The following NEMP2 variants were observed in gnomAD, a reference collection of about 807,000 sequenced individuals.
NEMP2 encodes the protein UPF0571 transmembrane protein.
NEMP2 carries 53 observed loss-of-function variants against 54.2 expected under a neutral mutation model. The ratio of observed to expected loss-of-function variants is 0.98; its 90% confidence interval spans 0.78 to 1.23. NEMP2 has a LOEUF of 1.23. NEMP2 is among the 50% of genes most tolerant of loss of function. NEMP2 has a pLI of 0.00. For missense variants in NEMP2, 455 were observed against 511.3 expected, an observed-to-expected ratio of 0.89 and a Z score of 1.06; for synonymous variants, 197 against 190.3, an observed-to-expected ratio of 1.04 and a Z score of -0.29.
At chr2:190,426,781 A>G in the NEMP2 span, among the ~76,000 whole-genome samples, 1 of 152,148 alleles carries the variant, frequency 6.6e-6, no homozygotes, top group Non-Finnish European at 1.5e-5. The surrounding 1 kb of genome is among the most constrained non-coding windows in gnomAD (Gnocchi z 4.7). Flanking sequence ...GGTGTGACGA[A>G]TGATTTTTTA....
In NEMP2 at chr2:190,509,551, TACTC is replaced by T. The variant is rs1690283296; in HGVS notation, c.1131-243_1131-240del. 6.6e-6 allele frequency among the ~76,000 whole-genome samples: 1 copy of T among 152,222 alleles called. No homozygotes were observed. The highest frequency in any genetic ancestry group is 6.5e-5 in the Admixed American group (1 of 15,278). ...ATATAAGCACTAAGTAAGCCAAATGTACTCACTCCTGTTTTCTAATTCCTTCTTG... is the reference window on the plus strand; with the variant it reads ...ATATAAGCACTAAGTAAGCCAAATGTACTCCTGTTTTCTAATTCCTTCTTG... On this transcript the variant is annotated intron_variant, in intron 8 of 8. Coordinates refer to ENST00000409150, the MANE Select transcript of NEMP2 (RefSeq NM_001142645.2). This position sits in a 1 kb window ranked among gnomAD's most constrained non-coding sequence, Gnocchi z 6.1.
In NEMP2 at chr2:190,518,732, T is replaced by C; in HGVS notation, c.518+4A>G. The C allele has an allele frequency of 6.5e-7, 1 of 1,527,200 alleles. No individual in the cohort carries two copies. The highest frequency in any genetic ancestry group is 1.4e-5 in the African/African-American group (1 of 71,274). 94.6% of individuals were successfully genotyped at this position (1,527,200 alleles called of 1,614,324 possible). A position where few individuals can be genotyped will look rare whatever the true frequency, so the allele number is the denominator to read the frequency against. On this transcript the variant is annotated splice_donor_region_variant and intron_variant, in intron 4 of 8. Coordinates refer to ENST00000409150, the MANE Select transcript of NEMP2 (RefSeq NM_001142645.2). The stretch of plus-strand genomic sequence containing the variant: ...AAGTTAAAAATATAAAAAGGAATAC[T>C]TACTGACTCAGGGTCCTTGCATAAA...
the NEMP2 span, among the ~76,000 whole-genome samples, chr2:190,474,379 G>A: frequency 3.3e-5 from 5 of 151,976 alleles, no homozygotes; most frequent in African/African-American, 1.2e-4. Flanking sequence ...AATGATAAAG[G>A]GGATATCACC....
At chr2:190,448,942 G>A in the NEMP2 span, among the ~76,000 whole-genome samples, 1 of 152,160 alleles carries the variant, frequency 6.6e-6, no homozygotes, top group African/African-American at 2.4e-5. Context: ...CCAAATGTGT[G>A]TATGTGTATA....
In NEMP2 at chr2:190,522,991, T is replaced by C. The variant is rs1299670939; in HGVS notation, c.213+2272A>G. On this transcript the variant is annotated intron_variant, in intron 2 of 8. Coordinates refer to ENST00000409150, the MANE Select transcript of NEMP2 (RefSeq NM_001142645.2). This position sits in a 1 kb window ranked among gnomAD's most constrained non-coding sequence, Gnocchi z 5.0. The stretch of plus-strand genomic sequence containing the variant: ...CTGTGCCCTGACCACCTTGGGCACA[T>C]GTTCTCAGAATCTGAGGGATGTGTC... Among the ~76,000 whole-genome samples, 1 of 152,202 alleles carries C rather than the reference T, an allele frequency of 6.6e-6. No individual in the cohort carries two copies. The highest frequency in any genetic ancestry group is 1.5e-5 in the Non-Finnish European group (1 of 68,042).
At chr2:190,597,409 G>A in the NEMP2 span, among the ~76,000 whole-genome samples, 1 of 152,048 alleles carries the variant, frequency 6.6e-6, no homozygotes, top group African/African-American at 2.4e-5. This position sits in a 1 kb window ranked among gnomAD's most constrained non-coding sequence, Gnocchi z 4.7. Flanking sequence ...ACTTTTGGCT[G>A]AAGTCTCTTA....
downstream of NEMP2, among the ~76,000 whole-genome samples, chr2:190,503,146 A>G (rs951704968): frequency 6.6e-6 from 1 of 152,208 alleles, no homozygotes. This position sits in a 1 kb window ranked among gnomAD's most constrained non-coding sequence, Gnocchi z 6.3. Context: ...AAATGCTTCA[A>G]ATTCCTGATG....
At chr2:190,524,496 C>A (rs1199336767) in intron 2 of NEMP2, among the ~76,000 whole-genome samples, 1 of 152,152 alleles carries the variant, frequency 6.6e-6, no homozygotes, top group Non-Finnish European at 1.5e-5. Context: ...CTTGCTGATA[C>A]AATGTTCCAG....
chr2:190,521,333 T>A lies in NEMP2; in HGVS notation c.214-2150A>T, dbSNP rs1356684119. 2.0e-5 allele frequency among the ~76,000 whole-genome samples: 3 copies of A among 152,164 alleles called. No individual in the cohort carries two copies. Among genetic ancestry groups the A allele is most frequent in the African/African-American group, 7.2e-5 (3 of 41,440 alleles). ...CTACCTGTCAGCACCTGCAGGCACA[T>A]GCTCTGCTTCCTGCCTGTGGGGAGG... On this transcript the variant is annotated intron_variant, in intron 2 of 8. Coordinates refer to ENST00000409150, the MANE Select transcript of NEMP2 (RefSeq NM_001142645.2). The surrounding 1 kb of genome is among the most constrained non-coding windows in gnomAD (Gnocchi z 6.2).
chr2:190,648,535 T>TC, the NEMP2 span: 1 of 139,074 alleles, frequency 7.2e-6, no homozygotes, highest in Non-Finnish European at 1.6e-5. Flanking sequence ...TTTTTTTTTT[T>TC]TTTAAAGTCA....
chr2:190,640,320 A>G, the NEMP2 span, among the ~76,000 whole-genome samples: 1 of 152,226 alleles, frequency 6.6e-6, no homozygotes, highest in Non-Finnish European at 1.5e-5. Flanking sequence ...CGACTTGCCA[A>G]ACTACTGTTC....
the NEMP2 span, among the ~76,000 whole-genome samples, chr2:190,460,981 GAC>G: frequency 2.0e-5 from 3 of 152,194 alleles, no homozygotes; most frequent in Non-Finnish European, 2.9e-5. Context: ...TGTTAAGTCT[GAC>G]ACAGAACACC....
At chr2:190,465,191 G>A in the NEMP2 span, among the ~76,000 whole-genome samples, 1 of 152,150 alleles carries the variant, frequency 6.6e-6, no homozygotes, top group Non-Finnish European at 1.5e-5. This position sits in a 1 kb window ranked among gnomAD's most constrained non-coding sequence, Gnocchi z 4.6. Context: ...AAAACGAGTG[G>A]CAGGTGATTT....
chr2:190,460,216 T>C, the NEMP2 span, among the ~76,000 whole-genome samples: 2 of 152,276 alleles, frequency 1.3e-5, no homozygotes, highest in Non-Finnish European at 2.9e-5. Flanking sequence ...GAGCTATTTA[T>C]TGTTTGTCCA....
At chr2:190,540,193 G>C in the NEMP2 span, among the ~76,000 whole-genome samples, 2 of 151,928 alleles carry the variant, frequency 1.3e-5, no homozygotes, top group African/African-American at 4.8e-5. Context: ...TTTTGTTCTG[G>C]GTTCTGTTAA....
At chr2:190,441,801 C>A in the NEMP2 span, among the ~76,000 whole-genome samples, 1 of 152,198 alleles carries the variant, frequency 6.6e-6, no homozygotes, top group African/African-American at 2.4e-5. Flanking sequence ...CCCTGAGCTC[C>A]AACAACATTC....
the NEMP2 span, among the ~76,000 whole-genome samples, chr2:190,600,537 T>C: frequency 1.3e-5 from 2 of 152,122 alleles, no homozygotes; most frequent in African/African-American, 4.8e-5. The surrounding 1 kb of genome is among the most constrained non-coding windows in gnomAD (Gnocchi z 4.9). Flanking sequence ...ATGCCCTCCT[T>C]GGGGTGGGTG....
the NEMP2 span, among the ~76,000 whole-genome samples, chr2:190,483,374 A>G: frequency 6.6e-6 from 1 of 151,688 alleles, no homozygotes; most frequent in Non-Finnish European, 1.5e-5. Context: ...CTATTCAACA[A>G]CTCTCTTCTC....
At chr2:190,624,114 C>T in the NEMP2 span, among the ~76,000 whole-genome samples, 2 of 152,074 alleles carry the variant, frequency 1.3e-5, no homozygotes, top group Admixed American at 1.3e-4. Flanking sequence ...GAGACCCTAT[C>T]TCCAAAAAGG....
Sources: gnomAD v4.1 joint callset for allele counts (sites outside exome capture counted in the v4.1 genomes callset) on GRCh38, gnomAD v4.1.1 for gene constraint, Gnocchi (gnomAD v3.1) non-coding constraint, MANE v1.5 for transcripts, NCBI Gene and HGNC (gene_info 2026-07-23, HGNC 2026-07-21) for gene names.